The following DMAC2 variants were observed in gnomAD, a reference collection of about 807,000 sequenced individuals.
DMAC2 encodes the protein distal membrane arm assembly component 2.
A neutral mutation model predicts 29.6 loss-of-function variants in DMAC2; 32 were observed. The observed-to-expected ratio is 1.08, with a 90% CI of 0.81 to 1.45. The LOEUF (loss-of-function observed/expected upper bound fraction) is 1.45. Ranked by LOEUF, DMAC2 falls within the 40% of genes most tolerant of loss-of-function variation. The pLI is 0.00. For synonymous variants in DMAC2, 133 were observed against 137.4 expected (o/e 0.97, Z 0.23); for missense variants, 319 against 340.0 (o/e 0.94, Z 0.49).
At position 41,433,644 on chromosome 19, in the gene DMAC2, T is replaced by C. The variant is rs140377634; in HGVS notation, c.326A>G (p.Asp109Gly). The C allele has an allele frequency of 1.1e-4, 179 of 1,614,194 alleles. No homozygotes were observed. The African/African-American group carries it at 2.1e-3, about 19-fold the overall frequency. Residue 109 changes from aspartate (D) to glycine (G), a missense_variant, in exon 4 of 6, where the codon GAT becomes GGT. Asp to Gly is a moderately conservative substitution (Grantham distance 94). Transcript: ENST00000221943. ...CTCCTGAGAGAAATGGCCATACTTA[T>C]CTGGCCTGATCCACTCCTTGTCTCG... Reference protein sequence around the residue: ...KFRDKEWIRPDKYGHFSQEFW... With the variant: ...KFRDKEWIRPGKYGHFSQEFW...
intron 2 of DMAC2, 68 bp downstream of exon 2, chr19:41,438,150 G>T: frequency 6.8e-7 from 1 of 1,460,408 alleles, no homozygotes; most frequent in Non-Finnish European, 9.4e-7. Context: ...CCTGGGAATG[G>T]CAAGGACAGG....
rs115873286 is a variant in DMAC2 at position 41,432,125 on chromosome 19, C to T, written c.*106G>A. 2.1e-4 allele frequency: 269 copies of T among 1,308,200 alleles called. 3 individuals carry two copies. In the African/African-American group the frequency reaches 3.2e-3, roughly 15 times the overall value. The allele number at this position is 1,308,200 out of a possible 1,614,324, so 81.0% of individuals were successfully genotyped here. Reference sequence around the variant, plus strand: ...CTGTGATTGGCCAGCACCACTCCCCCACCCTGACGTTGAGTGAAGACAAAT... The same window carrying T: ...CTGTGATTGGCCAGCACCACTCCCCTACCCTGACGTTGAGTGAAGACAAAT... On this transcript the variant is annotated 3_prime_UTR_variant, in exon 6 of 6. Transcript: ENST00000221943.
rs1555769503 is a variant in DMAC2 at position 41,432,627 on chromosome 19, T to A, written c.597-219A>T. The A allele has an allele frequency of 7.5e-6, 4 of 532,204 alleles. No homozygotes were observed. In the East Asian group the frequency reaches 1.5e-4, roughly 19 times the overall value. 33.0% of individuals were successfully genotyped at this position (532,204 alleles called of 1,614,324 possible). ...CCAGTGTAAGGACAGCATGTGTGTG[T>A]GTGTGTGTAGGGAGGTACAGGACAG... On this transcript the variant is annotated intron_variant, in intron 5 of 5. Coordinates refer to ENST00000221943, the MANE Select transcript of DMAC2 (RefSeq NM_018035.3).
rs144141920 is a variant in DMAC2, at chr19:41,436,800, G to A, written c.216-328C>T. Among the ~76,000 whole-genome samples the A allele has an allele frequency of 4.0e-3, 614 of 152,270 alleles. 3 individuals carry two copies. Among genetic ancestry groups the A allele is most frequent in the Non-Finnish European group, 4.4e-3 (297 of 68,038 alleles). On this transcript the variant is annotated intron_variant, in intron 2 of 5. Coordinates refer to ENST00000221943, the MANE Select transcript of DMAC2 (RefSeq NM_018035.3). ...AACAAAGCAGAGAGGCTGACTGTGA[G>A]GGCTAGGGAGCAGAGGAGTGGGGAT...
At chr19:41,432,833 C>T in intron 5 of DMAC2, 1 of 439,086 alleles carries the variant, frequency 2.3e-6, no homozygotes, top group Non-Finnish European at 3.9e-6. Flanking sequence ...GGTACTGGCC[C>T]CAAATTTCAA....
At position 41,433,601 on chromosome 19, in the gene DMAC2, T is replaced by C. The variant is rs529644883; in HGVS notation, c.369A>G (p.Glu123=). 1.2e-6 allele frequency: 2 copies of C among 1,614,210 alleles called. No homozygotes were observed. The highest frequency in any genetic ancestry group is 2.2e-5 in the South Asian group (2 of 91,084). ...HFSQEFWNFC[E]VPVEAVDAGD... ...CGGCATCCACAGCTTCGACAGGCAC[T>C]TCACAGAAATTCCAGAACTCCTGAG... Residue 123 remains glutamate, a synonymous_variant, in exon 4 of 6, where the codon GAA becomes GAG. Transcript: ENST00000221943.
chr19:41,435,242 T>C (rs1231839328), intron 3 of DMAC2, among the ~76,000 whole-genome samples: 2 of 151,884 alleles, frequency 1.3e-5, no homozygotes, highest in African/African-American at 4.8e-5. Context: ...CCTCTCAAAG[T>C]GCAAAGGCAT....
At position 41,433,655 on chromosome 19, in the gene DMAC2, C is replaced by T. The variant is rs2039702888; in HGVS notation, c.315G>A (p.Trp105Ter). The T allele has an allele frequency of 1.2e-6, 2 of 1,614,124 alleles. No individual in the cohort carries two copies. Among genetic ancestry groups the T allele is most frequent in the Admixed American group, 1.7e-5 (1 of 60,004 alleles). Residue 105 changes from tryptophan (W) to a stop codon, truncating the protein, a stop_gained, in exon 4 of 6, where the codon TGG becomes TGA. Coordinates refer to ENST00000221943, the MANE Select transcript of DMAC2 (RefSeq NM_018035.3). LOFTEE classifies it high-confidence loss of function. Reference sequence around the variant, plus strand: ...AATGGCCATACTTATCTGGCCTGATCCACTCCTTGTCTCGAAACCTGGAAA... The same window carrying T: ...AATGGCCATACTTATCTGGCCTGATTCACTCCTTGTCTCGAAACCTGGAAA... ...GGAVKFRDKE[W>*]IRPDKYGHFS...
intron 5 of DMAC2, 156 bp from the exon 6 acceptor site, chr19:41,432,564 TGTGC>T (rs1555769428): frequency 7.8e-5 from 47 of 605,374 alleles, no homozygotes; most frequent in African/African-American, 1.9e-4. Flanking sequence ...CAGGACAGTG[TGTGC>T]GTGTGTGTGT....
intron 3 of DMAC2, among the ~76,000 whole-genome samples, chr19:41,435,734 C>T (rs967073587): frequency 1.3e-5 from 2 of 151,826 alleles, no homozygotes; most frequent in Non-Finnish European, 2.9e-5. Context: ...TAATTTAAAA[C>T]ATTTTTTGTA....
Position 41,432,195 on chromosome 19 carries a change from G to T in DMAC2, c.*36C>A. ...AGCTACCAGACATTCCATGCAGCCC[G>T]CTGAGAAGCCACGTGAGTGGGGACA... On this transcript the variant is annotated 3_prime_UTR_variant, in exon 6 of 6. Transcript: ENST00000221943. 1.3e-6 allele frequency: 2 copies of T among 1,595,472 alleles called. No individual in the cohort carries two copies. Among genetic ancestry groups the T allele is most frequent in the Non-Finnish European group, 8.6e-7 (1 of 1,168,586 alleles).
At position 41,439,882 on chromosome 19, in the gene DMAC2, C is replaced by T. The variant is rs570128584; in HGVS notation, c.18G>A (p.Ala6=). Residue 6 remains alanine, a splice_region_variant and synonymous_variant, in exon 1 of 6, where the codon GCG becomes GCA. Coordinates refer to ENST00000221943, the MANE Select transcript of DMAC2 (RefSeq NM_018035.3). MAAPW[A]SLRLVAPMWN... Reference sequence around the variant, plus strand: ...GGCTCTAGGAACTCCGGTCACTTACCGCCCAGGGAGCCGCCATCTTGCTAA... The same window carrying T: ...GGCTCTAGGAACTCCGGTCACTTACTGCCCAGGGAGCCGCCATCTTGCTAA... 5.8e-5 allele frequency: 93 copies of T among 1,614,194 alleles called. No individual in the cohort carries two copies. The South Asian group carries it at 8.9e-4, about 15-fold the overall frequency.
chr19:41,438,462 A>G (rs1389401321), intron 1 of DMAC2, 48 bp from the exon 2 acceptor site: 2 of 1,495,546 alleles, frequency 1.3e-6, no homozygotes, highest in African/African-American at 2.8e-5. Context: ...CTCCTGGGAG[A>G]CACAGAGCTG....
chr19:41,436,406 C>T lies in DMAC2; in HGVS notation c.282G>A (p.Gln94=), dbSNP rs1041584616. 1 of 1,614,180 alleles carries T rather than the reference C, an allele frequency of 6.2e-7. No homozygotes were observed. Among genetic ancestry groups the T allele is most frequent in the African/African-American group, 1.3e-5 (1 of 75,062 alleles). ...AGCGGTCATACTTGACTGCGCCTCC[C>T]TGCTTCAGGATGAAAAAGGCACCTG... ...YGAGAFFILK[Q]GGAVKFRDKE... The change falls in exon 3 of 6, where the codon CAG becomes CAA. Residue 94 remains glutamine, a synonymous_variant. Transcript: ENST00000221943.
chr19:41,433,042 G>A (rs746906929), intron 5 of DMAC2: 17 of 550,224 alleles, frequency 3.1e-5, no homozygotes, highest in Non-Finnish European at 4.1e-5. Context: ...CTGCAACAGC[G>A]TCGATATCAC....
At chr19:41,432,489 CGTGTGT>C (rs113869037) in intron 5 of DMAC2, 81 bp from the exon 6 acceptor site, 7 of 1,318,212 alleles carry the variant, frequency 5.3e-6, no homozygotes, top group Admixed American at 3.7e-5. Context: ...ACAGCGTGTG[CGTGTGT>C]GTGTGTGTAT....
At chr19:41,432,802 G>GTA in intron 5 of DMAC2, 1 of 527,882 alleles carries the variant, frequency 1.9e-6, no homozygotes, top group Non-Finnish European at 3.4e-6. Context: ...GTGTGTGTGT[G>GTA]TGTGTGTGTG....
Position 41,432,086 on chromosome 19 carries a change from A to G in DMAC2, c.*145T>C. 1.1e-6 allele frequency: 1 copy of G among 882,266 alleles called. No homozygotes were observed. Among genetic ancestry groups the G allele is most frequent in the East Asian group, 2.6e-5 (1 of 38,820 alleles). The allele number at this position is 882,266 out of a possible 1,614,324, so 54.7% of individuals were successfully genotyped here. ...GGGCAGCCAGGAATAAATACTGGGA[A>G]CTCACGCTCTCTCCTGTGATTGGCC... On this transcript the variant is annotated 3_prime_UTR_variant, in exon 6 of 6. Transcript: ENST00000221943.
chr19:41,432,666 G>GTA, intron 5 of DMAC2: 1 of 464,144 alleles, frequency 2.2e-6, no homozygotes, highest in Non-Finnish European at 3.9e-6. Flanking sequence ...GTGTGTGTGT[G>GTA]TGTGTGTGTG....
Sources: gnomAD v4.1 joint callset for allele counts (sites outside exome capture counted in the v4.1 genomes callset) on GRCh38, gnomAD v4.1.1 for gene constraint, MANE v1.5 for transcripts, NCBI Gene and HGNC (gene_info 2026-07-23, HGNC 2026-07-21) for gene names.